The following MRGBP variants were observed in gnomAD, a reference collection of about 807,000 sequenced individuals.
MRGBP encodes the protein MRG domain binding protein, also known as MRG/MORF4L-binding protein.
In MRGBP, 5 loss-of-function variants were observed where a neutral mutation model predicts 21.5. The observed-to-expected ratio is 0.23, with a 90% confidence interval of 0.12 to 0.49. The LOEUF (loss-of-function observed/expected upper bound fraction) is 0.49. Ranked by LOEUF, MRGBP falls within the 20% of genes least tolerant of loss-of-function variation. MRGBP has a pLI of 0.98. For synonymous variants in MRGBP, 118 were observed against 104.4 expected, an observed-to-expected ratio of 1.13 and a Z score of -0.79; for missense variants, 227 against 277.4, an observed-to-expected ratio of 0.82 and a Z score of 1.29.
chr20:62,799,821 C>T lies in MRGBP; in HGVS notation c.*178C>T, dbSNP rs945617658. ...GCCGTCAGCGGGGAAACGTGTGTGT[C>T]AGTTGGACCATGTGGGACCCTGATG... On this transcript the variant is annotated 3_prime_UTR_variant, in exon 5 of 5. Transcript: ENST00000370487. 5 of 659,944 alleles carry T rather than the reference C, an allele frequency of 7.6e-6. No homozygotes were observed. The African/African-American group carries it at 9.1e-5, about 12-fold the overall frequency. 40.9% of individuals were successfully genotyped at this position (659,944 alleles called of 1,614,324 possible).
In MRGBP at chr20:62,796,646, C is replaced by A. The variant is rs866135109; in HGVS notation, c.123C>A (p.His41Gln). 1 of 1,335,844 alleles carries A rather than the reference C, an allele frequency of 7.5e-7. No homozygotes were observed. Among genetic ancestry groups the A allele is most frequent in the Non-Finnish European group, 9.6e-7 (1 of 1,039,936 alleles). 82.7% of individuals were successfully genotyped at this position (1,335,844 alleles called of 1,614,324 possible). A position where few individuals can be genotyped will look rare whatever the true frequency, so the allele number is the denominator to read the frequency against. Residue 41 changes from histidine (H) to glutamine (Q), a missense_variant, in exon 1 of 5, where the codon CAC (histidine) becomes CAA (glutamine). By Grantham distance (24) the His-to-Gln change is conservative (BLOSUM62 0). Coordinates refer to ENST00000370487, the MANE Select transcript of MRGBP (RefSeq NM_018270.6). Reference sequence around the variant, plus strand: ...CCGAGGTGGAGGTGTGCCTCTTCCACGCCATGCTGGGCCACAAGCCCGTCG... The same window carrying A: ...CCGAGGTGGAGGTGTGCCTCTTCCAAGCCATGCTGGGCCACAAGCCCGTCG... ...WSPEVEVCLF[H>Q]AMLGHKPVGV...
rs370556172 is a variant in MRGBP, at chr20:62,797,790, A to G, written c.270+559A>G. 2.0e-4 allele frequency among the ~76,000 whole-genome samples: 31 copies of G among 152,308 alleles called. No homozygotes were observed. The East Asian group carries it at 5.6e-3, about 27-fold the overall frequency. ...CAGAGCTTGGAGCTGGCACTGTGTG[A>G]CGGGCGAGCGGGTTAACTAGGTAAG... is the stretch of plus-strand genomic sequence containing the variant. On this transcript the variant is annotated intron_variant, in intron 2 of 4. Transcript: ENST00000370487.
rs1246795290 is a variant in MRGBP at position 62,801,104 on chromosome 20, C to T, written c.*1461C>T. Reference sequence around the variant, plus strand: ...ACTAAAGGGGCAAAGCCAGGAATCCCGTGCCATGTGATCGCCCCGTGTGGC... The same window carrying T: ...ACTAAAGGGGCAAAGCCAGGAATCCTGTGCCATGTGATCGCCCCGTGTGGC... On this transcript the variant is annotated 3_prime_UTR_variant, in exon 5 of 5. Transcript: ENST00000370487. The T allele has an allele frequency of 6.6e-6, 1 of 152,268 alleles. No individual in the cohort carries two copies. Among genetic ancestry groups the T allele is most frequent in the Non-Finnish European group, 1.5e-5 (1 of 68,062 alleles). 9.4% of individuals were successfully genotyped at this position (152,268 alleles called of 1,614,324 possible). A position where few individuals can be genotyped will look rare whatever the true frequency, so the allele number is the denominator to read the frequency against.
At position 62,800,910 on chromosome 20, in the gene MRGBP, C is replaced by T. The variant is rs1330536417; in HGVS notation, c.*1267C>T. On this transcript the variant is annotated 3_prime_UTR_variant, in exon 5 of 5. Coordinates refer to ENST00000370487, the MANE Select transcript of MRGBP (RefSeq NM_018270.6). ...GGCTGGGTCACAGAGTGAAATCCAG[C>T]GTTCCGTGTGCGGACGAGGAGACAA... is the stretch of plus-strand genomic sequence containing the variant. 4 of 152,162 alleles carry T rather than the reference C, an allele frequency of 2.6e-5. No homozygotes were observed. Among genetic ancestry groups the T allele is most frequent in the South Asian group, 2.1e-4 (1 of 4,824 alleles). 9.4% of individuals were successfully genotyped at this position (152,162 alleles called of 1,614,324 possible).
Position 62,797,229 on chromosome 20 carries a change from C to A in MRGBP, c.268C>A (p.Leu90Met), listed in dbSNP as rs1247558382. The change falls in exon 2 of 5, where the codon CTG (leucine) becomes ATG (methionine). Residue 90 changes from leucine (L) to methionine (M), a missense_variant and splice_region_variant. Leu to Met is a conservative substitution (Grantham distance 15, BLOSUM62 2). This residue lies in a region of MRGBP where 162 missense variants were observed against 227.7 expected (regional missense o/e 0.71). Transcript: ENST00000370487. ...GAGCACCATGTACGACATGCAGGCG[C>A]TGGTGAGCCCAACCGCCCTCCCTGT... ...HLSTMYDMQA[L>M]HESEILPFPN... is the part of the protein sequence containing the mutation. 6.3e-7 allele frequency: 1 copy of A among 1,581,882 alleles called. No individual in the cohort carries two copies. Among genetic ancestry groups the A allele is most frequent in the Non-Finnish European group, 8.6e-7 (1 of 1,165,164 alleles).
At chr20:62,798,375 C>T (rs1489351760) in intron 2 of MRGBP, among the ~76,000 whole-genome samples, 1 of 152,330 alleles carries the variant, frequency 6.6e-6, no homozygotes, top group East Asian at 1.9e-4. Flanking sequence ...TGGTTCTGCC[C>T]TCCCTGGGTC....
chr20:62,799,532 G>C lies in MRGBP; in HGVS notation c.504G>C (p.Leu168Phe). 1.2e-6 allele frequency: 2 copies of C among 1,613,920 alleles called. No homozygotes were observed. The highest frequency in any genetic ancestry group is 1.7e-6 in the Non-Finnish European group (2 of 1,180,012). The change falls in exon 5 of 5, where the codon TTG becomes TTC. Residue 168 changes from leucine to phenylalanine, a missense_variant. Leu to Phe is a conservative substitution (Grantham distance 22). This residue lies in a region of MRGBP where 162 missense variants were observed against 227.7 expected (regional missense o/e 0.71). Coordinates refer to ENST00000370487, the MANE Select transcript of MRGBP (RefSeq NM_018270.6). ...ACAAAGAGAAGAACTCCTCAGACTT[G>C]GGGTGCAAAGAAGGCGCAGACAAGC... ...SKDKEKNSSD[L>F]GCKEGADKRK...
In MRGBP at chr20:62,797,962, G is replaced by T. The variant is rs149580899; in HGVS notation, c.271-625G>T. The stretch of plus-strand genomic sequence containing the variant: ...CCAGGAGGAGTGGGGACCTGTGCTG[G>T]TGGAGAGTCTGTGCCAGCCACGTTG... On this transcript the variant is annotated intron_variant, in intron 2 of 4. Transcript: ENST00000370487. 5.4e-3 allele frequency among the ~76,000 whole-genome samples: 829 copies of T among 152,250 alleles called. 2 individuals carry two copies. Among genetic ancestry groups the T allele is most frequent in the Non-Finnish European group, 8.0e-3 (542 of 67,998 alleles).
rs1268368878 is a variant in MRGBP, at chr20:62,800,233, T to G, written c.*590T>G. 6.6e-6 allele frequency: 1 copy of G among 152,604 alleles called. No homozygotes were observed. The highest frequency in any genetic ancestry group is 2.4e-5 in the African/African-American group (1 of 41,402). 9.5% of individuals were successfully genotyped at this position (152,604 alleles called of 1,614,324 possible). ...CACCTGGGAAACTAAGAACTGGATA[T>G]TTTGCCTCATTCACTTGTACTGTAA... On this transcript the variant is annotated 3_prime_UTR_variant, in exon 5 of 5. Transcript: ENST00000370487.
chr20:62,797,603 T>A (rs1282566268), intron 2 of MRGBP, among the ~76,000 whole-genome samples: 2 of 152,146 alleles, frequency 1.3e-5, no homozygotes, highest in African/African-American at 4.8e-5. Context: ...GCTGAGACCC[T>A]GGGGAGGGAG....
rs41279360 is a variant in MRGBP at position 62,799,577 on chromosome 20, C to T, written c.549C>T (p.Thr183=). ...GADKRKRSRV[T]DKVLTANSNP... ...ACAAGCGGAAGCGCAGCCGGGTCAC[C>T]GACAAAGTCCTGACCGCAAACAGCA... The change falls in exon 5 of 5, where the codon ACC becomes ACT. Residue 183 remains threonine (T), a synonymous_variant. Transcript: ENST00000370487. The T allele has an allele frequency of 1.1e-4, 173 of 1,613,714 alleles. No individual in the cohort carries two copies. Among genetic ancestry groups the T allele is most frequent in the Non-Finnish European group, 1.3e-4 (156 of 1,179,992 alleles).
At position 62,796,592 on chromosome 20, in the gene MRGBP, C is replaced by T; in HGVS notation, c.69C>T (p.Ser23=). ...AGGGCCCGGGGGAGGCGGCCACCAG[C>T]CCGGCGGAGGAGACAGTGGTGTGGA... ...GDKGPGEAAT[S]PAEETVVWSP... The change falls in exon 1 of 5, where the codon AGC becomes AGT. Residue 23 remains serine, a synonymous_variant. Coordinates refer to ENST00000370487, the MANE Select transcript of MRGBP (RefSeq NM_018270.6). 2 of 1,280,700 alleles carry T rather than the reference C, an allele frequency of 1.6e-6. No individual in the cohort carries two copies. Among genetic ancestry groups the T allele is most frequent in the East Asian group, 3.5e-5 (1 of 28,642 alleles). 79.3% of individuals were successfully genotyped at this position (1,280,700 alleles called of 1,614,324 possible).
intron 2 of MRGBP, 69 bp from the exon 3 acceptor site, chr20:62,798,518 G>A: frequency 1.5e-6 from 2 of 1,377,290 alleles, no homozygotes; most frequent in South Asian, 2.3e-5. Flanking sequence ...CTCTTACACG[G>A]CTCTAGTGAC....
At chr20:62,798,850 C>T in intron 3 of MRGBP, 125 bp from the exon 4 acceptor site, 1 of 1,574,606 alleles carries the variant, frequency 6.4e-7, no homozygotes, top group Non-Finnish European at 8.6e-7. Flanking sequence ...TGTTTGAGAG[C>T]AGTGGCTGGA....
chr20:62,796,489 C>G lies in MRGBP; in HGVS notation c.-35C>G. 1.8e-6 allele frequency: 2 copies of G among 1,112,950 alleles called. No individual in the cohort carries two copies. The highest frequency in any genetic ancestry group is 1.7e-5 in the African/African-American group (1 of 60,306). 68.9% of individuals were successfully genotyped at this position (1,112,950 alleles called of 1,614,324 possible). ...GCGGAGCTCGTGGCCGCGCCTGCTC[C>G]CGCCGGGGGCTCCTTGCTCGGCCGG... On this transcript the variant is annotated 5_prime_UTR_variant, in exon 1 of 5. Coordinates refer to ENST00000370487, the MANE Select transcript of MRGBP (RefSeq NM_018270.6).
chr20:62,798,761 G>A, intron 3 of MRGBP, 93 bp downstream of exon 3: 2 of 1,589,664 alleles, frequency 1.3e-6, no homozygotes, highest in Admixed American at 3.4e-5. Context: ...GGGCCTCCAG[G>A]GAGGTGTGAG....
intron 4 of MRGBP, 70 bp downstream of exon 4, chr20:62,799,119 GCA>G: frequency 4.0e-6 from 6 of 1,499,442 alleles, no homozygotes; most frequent in Non-Finnish European, 4.6e-6. Context: ...TTCAGGCAGG[GCA>G]CAGTCAGGTG....
chr20:62,796,660 A>G lies in MRGBP; in HGVS notation c.137A>G (p.His46Arg). The part of the protein sequence containing the change: ...EVCLFHAMLG[H>R]KPVGVNRHFH... ...TGCCTCTTCCACGCCATGCTGGGCC[A>G]CAAGCCCGTCGGTGAGCGCCCAGGC... is the stretch of plus-strand genomic sequence containing the variant. The change falls in exon 1 of 5, where the codon CAC becomes CGC. Residue 46 changes from histidine to arginine, a missense_variant. His to Arg is a conservative substitution (Grantham distance 29, BLOSUM62 0). This residue lies in a region of MRGBP where 162 missense variants were observed against 227.7 expected (regional missense o/e 0.71). Coordinates refer to ENST00000370487, the MANE Select transcript of MRGBP (RefSeq NM_018270.6). 1 of 1,324,532 alleles carries G rather than the reference A, an allele frequency of 7.5e-7. No individual in the cohort carries two copies. 82.0% of individuals were successfully genotyped at this position (1,324,532 alleles called of 1,614,324 possible).
rs765596005 is a variant in MRGBP at position 62,797,153 on chromosome 20, C to T, written c.192C>T (p.Phe64=). The T allele has an allele frequency of 1.0e-5, 16 of 1,607,430 alleles. 1 individual carries two copies. In the Admixed American group the frequency reaches 2.5e-4, roughly 25 times the overall value. ...ACATGATTTGTATTCGGGACAAGTTCAGCCAGAACATCGGGCGGCAGGTCC... is the reference window on the plus strand; with the variant it reads ...ACATGATTTGTATTCGGGACAAGTTTAGCCAGAACATCGGGCGGCAGGTCC... ...HFHMICIRDK[F]SQNIGRQVPS... is the part of the protein sequence containing the mutation. Residue 64 remains phenylalanine (F), a synonymous_variant, in exon 2 of 5, where the codon TTC becomes TTT. Coordinates refer to ENST00000370487, the MANE Select transcript of MRGBP (RefSeq NM_018270.6).
Sources: allele counts gnomAD v4.1 joint callset (sites outside exome capture counted in the v4.1 genomes callset), GRCh38; gene constraint gnomAD v4.1.1; regional missense constraint gnomAD v4.1.1; transcripts MANE v1.5; gene names NCBI Gene and HGNC (gene_info 2026-07-23, HGNC 2026-07-21).